The following EFCAB12 variants were observed in gnomAD, a reference collection of about 807,000 sequenced individuals.
EFCAB12 encodes EF-hand calcium-binding domain-containing protein 12.
EFCAB12 carries 43 observed loss-of-function variants against 53.6 expected under a neutral mutation model. The ratio of observed to expected loss-of-function variants is 0.80; its 90% CI spans 0.63 to 1.03. EFCAB12 has a LOEUF of 1.03. Ranked by LOEUF, EFCAB12 falls within the 50% of genes least tolerant of loss-of-function variation. EFCAB12 has a pLI of 0.00. For synonymous variants in EFCAB12, 269 were observed against 289.2 expected (o/e 0.93, Z 0.71); for missense variants, 646 against 730.6 (o/e 0.88, Z 1.34).
intron 3 of EFCAB12, among the ~76,000 whole-genome samples, chr3:129,416,817 G>A (rs1370062922): frequency 1.3e-5 from 2 of 152,094 alleles, no homozygotes; most frequent in African/African-American, 4.8e-5. Context: ...ACTGGGATAA[G>A]TTTTTTAATT....
chr3:129,404,819 C>A (rs758794999), intron 6 of EFCAB12, among the ~76,000 whole-genome samples: 2 of 152,088 alleles, frequency 1.3e-5, no homozygotes, highest in Non-Finnish European at 2.9e-5. Flanking sequence ...GACCAATTTT[C>A]GGTTTTGTTT....
At chr3:129,407,286 C>A (rs1428543510) in intron 6 of EFCAB12, among the ~76,000 whole-genome samples, 2 of 152,178 alleles carry the variant, frequency 1.3e-5, no homozygotes, top group South Asian at 4.1e-4. Context: ...AAAATAAATT[C>A]TTGTTGTGGA....
At chr3:129,416,549 A>T (rs2072118267) in intron 3 of EFCAB12, among the ~76,000 whole-genome samples, 1 of 152,266 alleles carries the variant, frequency 6.6e-6, no homozygotes, top group Non-Finnish European at 1.5e-5. Context: ...TTGTTGAGAT[A>T]ATTACATGTC....
At chr3:129,424,773 C>G (rs2072251660) in intron 1 of EFCAB12, among the ~76,000 whole-genome samples, 1 of 152,224 alleles carries the variant, frequency 6.6e-6, no homozygotes, top group Non-Finnish European at 1.5e-5. Context: ...TCCCCCAGGG[C>G]TTGGTGCTGA....
At chr3:129,416,363 C>A (rs1252008259) in intron 3 of EFCAB12, among the ~76,000 whole-genome samples, 1 of 151,978 alleles carries the variant, frequency 6.6e-6, no homozygotes, top group Non-Finnish European at 1.5e-5. Flanking sequence ...GTTGCAGTGA[C>A]CCAAGACTGT....
intron 1 of EFCAB12, among the ~76,000 whole-genome samples, chr3:129,427,908 T>G (rs1055436007): frequency 2.6e-5 from 4 of 152,178 alleles, no homozygotes; most frequent in Admixed American, 2.6e-4. Context: ...TTCCTTCCCC[T>G]TTTGGCTTGG....
At chr3:129,426,351 T>TTTTTTTTG (rs1559793990) in intron 1 of EFCAB12, among the ~76,000 whole-genome samples, 1 of 137,816 alleles carries the variant, frequency 7.3e-6, no homozygotes, top group Admixed American at 7.6e-5. Flanking sequence ...CTTACAGGGT[T>TTTTTTTTG]TTTTTTTGTT....
At chr3:129,414,911 A>C (rs1323266622) in intron 4 of EFCAB12, 2 of 201,628 alleles carry the variant, frequency 9.9e-6, no homozygotes, top group Non-Finnish European at 2.0e-5. Context: ...CCTTGGACCC[A>C]CACACACATA....
At chr3:129,407,676 G>A (rs2071970932) in intron 6 of EFCAB12, among the ~76,000 whole-genome samples, 1 of 152,208 alleles carries the variant, frequency 6.6e-6, no homozygotes, top group Non-Finnish European at 1.5e-5. Context: ...CACTTTGGGA[G>A]GCCAAGGCAG....
At chr3:129,404,874 C>G (rs1001125354) in intron 6 of EFCAB12, among the ~76,000 whole-genome samples, 12 of 152,196 alleles carry the variant, frequency 7.9e-5, no homozygotes, top group Admixed American at 2.6e-4. Flanking sequence ...GGCTAAAGTA[C>G]AGATCATGGC....
rs1176703835 is a variant in EFCAB12, at chr3:129,408,820, G to A, written c.1074C>T (p.His358=). The change falls in exon 6 of 9, where the codon CAC becomes CAT. Residue 358 remains histidine (H), a synonymous_variant. Coordinates refer to ENST00000505956, the MANE Select transcript of EFCAB12 (RefSeq NM_207307.3). ...AGTGCCGATTCCCACAGCGCACCAGGTGACATTGCTCCGTGTACTGGATGG... is the reference window on the plus strand; with the variant it reads ...AGTGCCGATTCCCACAGCGCACCAGATGACATTGCTCCGTGTACTGGATGG... The part of the protein sequence containing the change: ...IPSIQYTEQC[H]LVRCGNRHFD... 1.3e-6 allele frequency: 2 copies of A among 1,576,858 alleles called. No homozygotes were observed. Among genetic ancestry groups the A allele is most frequent in the African/African-American group, 1.3e-5 (1 of 74,170 alleles).
chr3:129,413,780 C>T (rs978147299), intron 4 of EFCAB12: 1 of 152,142 alleles, frequency 6.6e-6, no homozygotes, highest in African/African-American at 2.4e-5. Context: ...AATTCTTACA[C>T]ACCCCAGTCT....
intron 1 of EFCAB12, among the ~76,000 whole-genome samples, chr3:129,423,915 C>T (rs1387524525): frequency 6.6e-6 from 1 of 152,114 alleles, no homozygotes; most frequent in East Asian, 1.9e-4. Context: ...TGCTCTTCTC[C>T]CTCCCTGCTT....
intron 2 of EFCAB12, among the ~76,000 whole-genome samples, chr3:129,420,457 T>C (rs932174108): frequency 2.0e-5 from 3 of 152,228 alleles, no homozygotes; most frequent in Admixed American, 6.5e-5. Context: ...GAGTTGGTAG[T>C]ACCCTTATCA....
Position 129,421,611 on chromosome 3 carries a change from G to A in EFCAB12, c.242C>T (p.Pro81Leu), listed in dbSNP as rs1474898809. The change falls in exon 2 of 9, where the codon CCA becomes CTA. Residue 81 changes from proline to leucine, a missense_variant. Pro to Leu is a moderately conservative substitution (Grantham distance 98). Coordinates refer to ENST00000505956, the MANE Select transcript of EFCAB12 (RefSeq NM_207307.3). Reference protein sequence around the residue: ...LNPASQPQAPPKPIPSFKVLE... With the variant: ...LNPASQPQAPLKPIPSFKVLE... ...AACTTTGAAGCTGGGGATGGGCTTT[G>A]GGGGAGCCTGAGGTTGGGATGCAGG... is the stretch of plus-strand genomic sequence containing the variant. 88 of 1,613,880 alleles carry A rather than the reference G, an allele frequency of 5.5e-5. No individual in the cohort carries two copies. The highest frequency in any genetic ancestry group is 7.3e-5 in the Non-Finnish European group (86 of 1,179,892).
At chr3:129,408,957 C>T (rs760453294) in intron 5 of EFCAB12, 99 bp from the exon 6 acceptor site, 85 of 1,366,034 alleles carry the variant, frequency 6.2e-5, no homozygotes, top group African/African-American at 1.2e-4. Flanking sequence ...CTCTCCCCTG[C>T]GAGGTCCCCA....
intron 1 of EFCAB12, among the ~76,000 whole-genome samples, chr3:129,426,428 G>A (rs1045527509): frequency 3.7e-5 from 5 of 133,688 alleles, no homozygotes; most frequent in Admixed American, 8.7e-5. Context: ...GCAGTGGCAC[G>A]ATCTCGGCTC....
intron 6 of EFCAB12, among the ~76,000 whole-genome samples, chr3:129,406,190 C>T (rs574459225): frequency 2.8e-4 from 43 of 152,252 alleles, no homozygotes; most frequent in African/African-American, 8.4e-4. Context: ...TCCACCACTG[C>T]GTAAGACCAT....
chr3:129,421,799 G>C lies in EFCAB12; in HGVS notation c.54C>G (p.Leu18=). The C allele has an allele frequency of 6.2e-7, 1 of 1,610,890 alleles. No individual in the cohort carries two copies. The highest frequency in any genetic ancestry group is 1.1e-5 in the South Asian group (1 of 90,818). ...YHSLFLSLLG[L]CPSKTPINEN... ...CATTGATGGGAGTCTTAGACGGGCA[G>C]AGTCCTTGGGGTAAGAGAGTTAAAA... The change falls in exon 2 of 9, where the codon CTC becomes CTG. Residue 18 remains leucine (L), a synonymous_variant. Coordinates refer to ENST00000505956, the MANE Select transcript of EFCAB12 (RefSeq NM_207307.3).
Sources: allele counts gnomAD v4.1 joint callset (sites outside exome capture counted in the v4.1 genomes callset), GRCh38; gene constraint gnomAD v4.1.1; transcripts MANE v1.5; gene names NCBI Gene and HGNC (gene_info 2026-07-23, HGNC 2026-07-21).